Variants in PTPRG observed in about 807,000 individuals in gnomAD.
The protein encoded by PTPRG is protein tyrosine phosphatase receptor type G.
In PTPRG, 102 loss-of-function variants were observed where a neutral mutation model predicts 165.3. The observed-to-expected ratio is 0.62, with a 90% CI of 0.53 to 0.73. The LOEUF is 0.73. PTPRG is among the 30% of genes least tolerant of loss of function. The pLI is 0.00. For missense variants in PTPRG, 1,866 were observed against 1,861.4 expected (o/e 1.00, Z -0.05); for synonymous variants, 675 against 669.5 (o/e 1.01, Z -0.13).
chr3:61,732,280 AAATCCTGT>A (rs2032530231), intron 1 of PTPRG, among the ~76,000 whole-genome samples: 1 of 152,176 alleles, frequency 6.6e-6, no homozygotes, highest in Non-Finnish European at 1.5e-5. Context: ...TAAGCATTTG[AAATCCTGT>A]ATTAGCAGGC....
chr3:61,686,201 A>T (rs1251218042), intron 1 of PTPRG, among the ~76,000 whole-genome samples: 1 of 152,192 alleles, frequency 6.6e-6, no homozygotes, highest in East Asian at 1.9e-4. Flanking sequence ...AGGACCACTT[A>T]CCTCAGGAGT....
chr3:62,166,829 C>G (rs951409267), intron 7 of PTPRG, among the ~76,000 whole-genome samples: 1 of 151,940 alleles, frequency 6.6e-6, no homozygotes, highest in Non-Finnish European at 1.5e-5. Flanking sequence ...GCTGCGACTA[C>G]AGGCATGCAC....
intron 1 of PTPRG, among the ~76,000 whole-genome samples, chr3:61,564,208 T>G (rs888033040): frequency 4.6e-5 from 7 of 152,210 alleles, no homozygotes; most frequent in Non-Finnish European, 1.0e-4. Flanking sequence ...CTCCCCTGCT[T>G]TACCACGGAC....
At chr3:61,891,069 C>T (rs2038200837) in intron 2 of PTPRG, among the ~76,000 whole-genome samples, 1 of 152,054 alleles carries the variant, frequency 6.6e-6, no homozygotes, top group African/African-American at 2.4e-5. Flanking sequence ...CCTGTAATCC[C>T]AGCACCTTGG....
At chr3:61,830,566 G>GTTTTTGTTTTTTTTTTTTTTTTTTTT in intron 2 of PTPRG, among the ~76,000 whole-genome samples, 1 of 86,500 alleles carries the variant, frequency 1.2e-5, no homozygotes, top group Non-Finnish European at 2.3e-5. Context: ...TTTTGTTTTT[G>GTTTTTGTTTTTTTTTTTTTTTTTTTT]TTTTTTTTTT....
chr3:61,935,952 T>G (rs557893170), intron 2 of PTPRG, among the ~76,000 whole-genome samples: 1 of 152,238 alleles, frequency 6.6e-6, no homozygotes, highest in Admixed American at 6.5e-5. Flanking sequence ...AGGTGTGGCC[T>G]TGGATGGTGA....
intron 1 of PTPRG, among the ~76,000 whole-genome samples, chr3:61,616,711 C>T (rs189981015): frequency 7.7e-4 from 117 of 152,296 alleles, no homozygotes; most frequent in African/African-American, 2.7e-3. Context: ...TGGCAAAGTA[C>T]TTGGCTTGGC....
intron 17 of PTPRG, chr3:62,263,436 C>A (rs191795200): frequency 6.5e-6 from 1 of 153,000 alleles, no homozygotes; most frequent in Non-Finnish European, 1.5e-5. Flanking sequence ...AATGGACATT[C>A]TTCATACAGA....
At chr3:62,008,870 C>T (rs1001088845) in intron 4 of PTPRG, among the ~76,000 whole-genome samples, 8 of 152,156 alleles carry the variant, frequency 5.3e-5, no homozygotes, top group African/African-American at 1.9e-4. Flanking sequence ...TGCTCCTTGC[C>T]CACCACTCAC....
intron 1 of PTPRG, among the ~76,000 whole-genome samples, chr3:61,681,259 T>A (rs1226661495): frequency 6.6e-6 from 1 of 152,186 alleles, no homozygotes; most frequent in Non-Finnish European, 1.5e-5. Context: ...AATAGGCAGT[T>A]AATAATGCCA....
chr3:62,064,911 T>C (rs1018990140), intron 4 of PTPRG, among the ~76,000 whole-genome samples: 2 of 152,018 alleles, frequency 1.3e-5, no homozygotes. Context: ...TTTTGTATTT[T>C]TTAGTAAAGA....
intron 2 of PTPRG, among the ~76,000 whole-genome samples, chr3:61,883,677 G>C (rs1319184598): frequency 6.6e-6 from 1 of 152,160 alleles, no homozygotes; most frequent in Non-Finnish European, 1.5e-5. Flanking sequence ...TTTATGGGTT[G>C]AAATAGTTAC....
chr3:61,733,865 TC>T (rs1486502819), intron 1 of PTPRG, among the ~76,000 whole-genome samples: 2 of 152,180 alleles, frequency 1.3e-5, no homozygotes, highest in Non-Finnish European at 2.9e-5. Context: ...TGGTGTAATC[TC>T]AGCTCACTGC....
At position 61,616,021 on chromosome 3, in the gene PTPRG, G is replaced by A. The variant is rs1296897304; in HGVS notation, c.85+53649G>A. Reference sequence around the variant, plus strand: ...GCTGGAGTGCAGTGGCACAATCTCGGCTCACTGCAACCTCCGCCTTCTGGG... The same window carrying A: ...GCTGGAGTGCAGTGGCACAATCTCGACTCACTGCAACCTCCGCCTTCTGGG... On this transcript the variant is annotated intron_variant, in intron 1 of 29. Coordinates refer to ENST00000474889, the MANE Select transcript of PTPRG (RefSeq NM_002841.4). Among the ~76,000 whole-genome samples, 4 of 152,182 alleles carry A rather than the reference G, an allele frequency of 2.6e-5. No individual in the cohort carries two copies. In the East Asian group the frequency reaches 7.7e-4, roughly 29 times the overall value.
At chr3:62,149,404 G>T (rs7620873) in intron 6 of PTPRG, among the ~76,000 whole-genome samples, 26,801 of 151,468 alleles carry the variant, frequency 0.18, 2,457 homozygotes, top group Non-Finnish European at 0.19. Flanking sequence ...CTCCCAACAA[G>T]CTGGGACTAC....
chr3:62,183,443 A>T (rs549076410), intron 8 of PTPRG, among the ~76,000 whole-genome samples: 13 of 152,204 alleles, frequency 8.5e-5, no homozygotes, highest in African/African-American at 3.1e-4. Context: ...GGGTACCTGT[A>T]ATCTCAGCTA....
intron 6 of PTPRG, among the ~76,000 whole-genome samples, chr3:62,146,010 A>G (rs146960429): frequency 7.8e-4 from 119 of 152,312 alleles, no homozygotes; most frequent in African/African-American, 2.7e-3. Context: ...CTGAGCATCA[A>G]AAGGAAGCTA....
rs151150562 is a variant in PTPRG at position 62,030,954 on chromosome 3, G to A, written c.519+27457G>A. Reference sequence around the variant, plus strand: ...AATAAAAATATCCAAGACACAATTTGTTGGTGTAAACCAATTGCACTATTG... The same window carrying A: ...AATAAAAATATCCAAGACACAATTTATTGGTGTAAACCAATTGCACTATTG... On this transcript the variant is annotated intron_variant, in intron 4 of 29. Transcript: ENST00000474889. Among the ~76,000 whole-genome samples, 56 of 152,304 alleles carry A rather than the reference G, an allele frequency of 3.7e-4. No homozygotes were observed. The East Asian group carries it at 4.2e-3, about 12-fold the overall frequency.
In PTPRG at chr3:61,990,899, C is replaced by CTTT. The variant is rs10662494; in HGVS notation, c.370+1110_370+1112dup. ...TTCATGTTGTAGGTCACAAAGTTGC[C>CTTT]TTTTTTTTTTTTTTTTTAAATAACC... On this transcript the variant is annotated intron_variant, in intron 3 of 29. Transcript: ENST00000474889. Among the ~76,000 whole-genome samples the CTTT allele has an allele frequency of 8.0e-3, 1,107 of 139,172 alleles. 6 individuals carry two copies. The highest frequency in any genetic ancestry group is 9.0e-3 in the South Asian group (39 of 4,344). 91.3% of individuals were successfully genotyped at this position (139,172 alleles called of 152,430 possible).
Sources: allele counts gnomAD v4.1 joint callset (sites outside exome capture counted in the v4.1 genomes callset), GRCh38; gene constraint gnomAD v4.1.1; transcripts MANE v1.5; gene names NCBI Gene and HGNC (gene_info 2026-07-23, HGNC 2026-07-21).